Variants in TENM4 observed in about 807,000 individuals in gnomAD.
TENM4 encodes the protein teneurin-4.
TENM4 carries 82 observed loss-of-function variants against 243.3 expected under a neutral mutation model. That is an observed-to-expected ratio of 0.34 (90% CI 0.28 to 0.40). The LOEUF is 0.40. TENM4 is among the 10% of genes least tolerant of loss of function. The probability of loss-of-function intolerance (pLI) is 1.00; values close to 1 mark genes in which losing one functional copy is unlikely to be tolerated. For synonymous variants in TENM4, 1,412 were observed against 1,456.3 expected (o/e 0.97, Z 0.69); for missense variants, 3,138 against 3,673.3 (o/e 0.85, Z 3.77).
At chr11:78,822,375 T>C (rs1248092495) in intron 12 of TENM4, among the ~76,000 whole-genome samples, 1 of 152,232 alleles carries the variant, frequency 6.6e-6, no homozygotes, top group African/African-American at 2.4e-5. Context: ...GAATCCACTC[T>C]AGCTCAGGAA....
At chr11:79,205,746 A>G (rs1188313233) in intron 3 of TENM4, among the ~76,000 whole-genome samples, 1 of 152,230 alleles carries the variant, frequency 6.6e-6, no homozygotes, top group Non-Finnish European at 1.5e-5. Flanking sequence ...AGTTTTGGCT[A>G]TTATAATAAC....
intron 9 of TENM4, among the ~76,000 whole-genome samples, chr11:78,885,249 G>A (rs115077374): frequency 0.013 from 1,990 of 152,256 alleles, 46 homozygotes; most frequent in African/African-American, 0.045. Flanking sequence ...AGAAAAGACC[G>A]GGTATTCAAA....
chr11:78,969,102 T>C (rs142552939), intron 6 of TENM4, among the ~76,000 whole-genome samples: 1 of 152,354 alleles, frequency 6.6e-6, no homozygotes, highest in African/African-American at 2.4e-5. Context: ...AGCAGTCTGC[T>C]TGCTCACTGT....
chr11:79,009,057 T>G (rs1353671595), intron 6 of TENM4, among the ~76,000 whole-genome samples: 1 of 152,220 alleles, frequency 6.6e-6, no homozygotes, highest in African/African-American at 2.4e-5. Flanking sequence ...TCTGCATTTC[T>G]TCTGTTCTAT....
chr11:79,259,684 TCCATCCATCCATCCATCCATGCACAC>T (rs1193777873), intron 2 of TENM4, among the ~76,000 whole-genome samples: 2,004 of 151,726 alleles, frequency 0.013, 59 homozygotes, highest in African/African-American at 0.047. Context: ...CATCCATCCA[TCCATCCATCCATCCATCCATGCACAC>T]CCATCCATCC....
intron 4 of TENM4, among the ~76,000 whole-genome samples, chr11:79,084,751 A>G (rs2137037037): frequency 6.6e-6 from 1 of 152,266 alleles, no homozygotes; most frequent in South Asian, 2.1e-4. Context: ...ATAAAAGAGG[A>G]CTGCGAAGGA....
At chr11:79,389,746 G>T (rs1858191270) in intron 1 of TENM4, among the ~76,000 whole-genome samples, 1 of 152,134 alleles carries the variant, frequency 6.6e-6, no homozygotes, top group Admixed American at 6.5e-5. Context: ...ACAAAAAGAA[G>T]TTCCATTTCT....
intron 32 of TENM4, among the ~76,000 whole-genome samples, chr11:78,663,457 A>C (rs6592806): frequency 0.7 from 106,503 of 151,932 alleles, 38,683 homozygotes; most frequent in African/African-American, 0.83. Context: ...TGGCTTGGTG[A>C]CCTCCCGAGG....
chr11:79,221,463 A>G (rs1342355348), intron 2 of TENM4, among the ~76,000 whole-genome samples: 1 of 151,820 alleles, frequency 6.6e-6, no homozygotes, highest in East Asian at 1.9e-4. Context: ...AAGGGGGAAA[A>G]AAAAACATCC....
intron 2 of TENM4, among the ~76,000 whole-genome samples, chr11:79,253,409 T>C (rs148797355): frequency 2.0e-3 from 296 of 151,788 alleles, no homozygotes; most frequent in African/African-American, 6.7e-3. Flanking sequence ...TGCACTGGAG[T>C]GGAAAATAAT....
At chr11:78,950,238 G>A (rs1857084393) in intron 6 of TENM4, among the ~76,000 whole-genome samples, 1 of 152,142 alleles carries the variant, frequency 6.6e-6, no homozygotes, top group African/African-American at 2.4e-5. Context: ...ATCCACACAG[G>A]GCCCAATAGA....
intron 18 of TENM4, among the ~76,000 whole-genome samples, chr11:78,765,689 A>C (rs981535810): frequency 6.6e-6 from 1 of 152,222 alleles, no homozygotes; most frequent in Non-Finnish European, 1.5e-5. Context: ...CCACTGTGTG[A>C]CTTTGGGCAA....
At chr11:79,385,687 T>C (rs1338698973) in intron 1 of TENM4, among the ~76,000 whole-genome samples, 1 of 152,024 alleles carries the variant, frequency 6.6e-6, no homozygotes, top group Non-Finnish European at 1.5e-5. Context: ...TATAGAAAGA[T>C]TTGTGAGATT....
chr11:78,964,537 T>G (rs1857400291), intron 6 of TENM4, among the ~76,000 whole-genome samples: 1 of 152,160 alleles, frequency 6.6e-6, no homozygotes, highest in Non-Finnish European at 1.5e-5. Flanking sequence ...ACCTAAAAAT[T>G]CAGGCTATGA....
chr11:79,315,101 G>A (rs1856782465), intron 1 of TENM4, among the ~76,000 whole-genome samples: 1 of 152,222 alleles, frequency 6.6e-6, no homozygotes. Flanking sequence ...TAGCGTGGGA[G>A]TAGGAGTTTA....
At chr11:79,140,149 A>G (rs1212582764) in intron 4 of TENM4, among the ~76,000 whole-genome samples, 1 of 151,936 alleles carries the variant, frequency 6.6e-6, no homozygotes, top group Non-Finnish European at 1.5e-5. Context: ...ACTCCCCAGA[A>G]TCATAGGCAG....
At chr11:79,199,974 A>C (rs1041751803) in intron 3 of TENM4, among the ~76,000 whole-genome samples, 5 of 152,082 alleles carry the variant, frequency 3.3e-5, no homozygotes, top group African/African-American at 1.2e-4. Flanking sequence ...GCCTCACCAT[A>C]CCAACCAAGG....
chr11:79,258,345 T>C (rs1855736128), intron 2 of TENM4, among the ~76,000 whole-genome samples: 2 of 152,178 alleles, frequency 1.3e-5, no homozygotes, highest in Non-Finnish European at 2.9e-5. Context: ...ATACAATGGA[T>C]GGTCAGAAAG....
At chr11:79,237,672 G>C (rs935943658) in intron 2 of TENM4, among the ~76,000 whole-genome samples, 2 of 152,130 alleles carry the variant, frequency 1.3e-5, no homozygotes, top group Non-Finnish European at 2.9e-5. Flanking sequence ...GCGAGACTCC[G>C]TCTCAAAAAA....
Sources: gnomAD v4.1 joint callset for allele counts (sites outside exome capture counted in the v4.1 genomes callset) on GRCh38, gnomAD v4.1.1 for gene constraint, MANE v1.5 for transcripts, NCBI Gene and HGNC (gene_info 2026-07-23, HGNC 2026-07-21) for gene names.